Variants in CDC45 observed in about 807,000 individuals in gnomAD.
The protein encoded by CDC45 is cell division control protein 45 homolog.
CDC45 carries 54 observed loss-of-function variants against 77.8 expected under a neutral mutation model. The ratio of observed to expected loss-of-function variants is 0.69; its 90% CI spans 0.56 to 0.87. The LOEUF (loss-of-function observed/expected upper bound fraction) is 0.87, where lower values mean the gene tolerates loss of function less well. CDC45 is among the 40% of genes least tolerant of loss of function. The pLI is 0.00. For missense variants in CDC45, 649 were observed against 721.6 expected (o/e 0.90, Z 1.15); for synonymous variants, 260 against 272.1 (o/e 0.96, Z 0.44).
intron 9 of CDC45, among the ~76,000 whole-genome samples, chr22:19,501,681 C>T (rs2146392445): frequency 6.6e-6 from 1 of 152,234 alleles, no homozygotes; most frequent in East Asian, 1.9e-4. Flanking sequence ...AACTGAGAGA[C>T]AAAACTAGTC....
chr22:19,514,988 C>A lies in CDC45; in HGVS notation c.1380C>A (p.Phe460Leu), dbSNP rs1453295570. ...LMEGTPDVML[F>L]SRPASLSLLS... The stretch of plus-strand genomic sequence containing the variant: ...AGGGCACTCCAGATGTCATGCTGTT[C>A]TCTAGGCCGGCATCCCTAAGCCTGC... The change falls in exon 15 of 19, where the codon TTC becomes TTA. Residue 460 changes from phenylalanine to leucine, a missense_variant. Phe to Leu is a conservative substitution (Grantham distance 22, BLOSUM62 0). Transcript: ENST00000263201. The A allele has an allele frequency of 5.0e-6, 8 of 1,614,074 alleles. No homozygotes were observed. Among genetic ancestry groups the A allele is most frequent in the Non-Finnish European group, 6.8e-6 (8 of 1,180,044 alleles).
intron 3 of CDC45, among the ~76,000 whole-genome samples, chr22:19,481,672 CT>C (rs1172897235): frequency 6.6e-6 from 1 of 151,506 alleles, no homozygotes; most frequent in Non-Finnish European, 1.5e-5. Flanking sequence ...CACGCCCAGC[CT>C]TTATTTATTT....
At chr22:19,488,549 T>C (rs957027486) in intron 5 of CDC45, among the ~76,000 whole-genome samples, 1 of 152,182 alleles carries the variant, frequency 6.6e-6, no homozygotes, top group Admixed American at 6.5e-5. Context: ...CGACCAGCCT[T>C]GGAGTACCTC....
chr22:19,500,662 C>T (rs901860833), intron 9 of CDC45, among the ~76,000 whole-genome samples: 1 of 152,118 alleles, frequency 6.6e-6, no homozygotes, highest in Non-Finnish European at 1.5e-5. Context: ...ATGATTACAT[C>T]CCCCTTGCCC....
intron 10 of CDC45, among the ~76,000 whole-genome samples, chr22:19,506,369 A>G (rs1026406695): frequency 5.3e-5 from 8 of 152,046 alleles, no homozygotes; most frequent in African/African-American, 1.7e-4. Context: ...CCCAGGGACC[A>G]TGGGAGTGTG....
chr22:19,509,578 C>T (rs961476641), intron 13 of CDC45, among the ~76,000 whole-genome samples: 1 of 152,190 alleles, frequency 6.6e-6, no homozygotes, highest in Non-Finnish European at 1.5e-5. Flanking sequence ...TGATTTCATC[C>T]TGGGATCTGC....
intron 6 of CDC45, chr22:19,494,692 T>C: frequency 4.4e-6 from 4 of 906,732 alleles, no homozygotes. Flanking sequence ...AAATTATTTA[T>C]AAGAAGTGCT....
chr22:19,482,899 T>C, intron 4 of CDC45, 72 bp downstream of exon 4: 1 of 1,410,360 alleles, frequency 7.1e-7, no homozygotes, highest in South Asian at 1.2e-5. Context: ...CTGGTGTTCT[T>C]GGTAAGGTGT....
In CDC45 at chr22:19,479,939, G is replaced by A; in HGVS notation, c.-30G>A. 6.2e-7 allele frequency: 1 copy of A among 1,611,978 alleles called. No individual in the cohort carries two copies. The highest frequency in any genetic ancestry group is 8.5e-7 in the Non-Finnish European group (1 of 1,179,848). ...GCCGCCGGGCTCTTGGTACCTCAGC[G>A]CGAGCGCCAGGCGTCCGGCCGCCGT... On this transcript the variant is annotated 5_prime_UTR_variant, in exon 1 of 19. Transcript: ENST00000263201.
upstream of CDC45, chr22:19,479,864 G>T: frequency 8.8e-7 from 1 of 1,139,402 alleles, no homozygotes; most frequent in Non-Finnish European, 1.3e-6. Context: ...CTATTGGTTG[G>T]TGATCCCTGG....
At chr22:19,484,593 G>A (rs985427461) in intron 5 of CDC45, among the ~76,000 whole-genome samples, 3 of 152,326 alleles carry the variant, frequency 2.0e-5, no homozygotes, top group South Asian at 2.1e-4. Context: ...GGAGGGCCAC[G>A]TGATGCTTTT....
intron 9 of CDC45, among the ~76,000 whole-genome samples, chr22:19,502,590 G>A (rs1298107879): frequency 6.6e-6 from 1 of 152,108 alleles, no homozygotes; most frequent in Non-Finnish European, 1.5e-5. Context: ...TATAAAAGAG[G>A]GCTGGATCCA....
intron 6 of CDC45, 45 bp from the exon 7 acceptor site, chr22:19,495,936 G>T: frequency 3.5e-6 from 5 of 1,411,370 alleles, no homozygotes; most frequent in Non-Finnish European, 4.0e-6. Flanking sequence ...TTGGCTTCCT[G>T]TACTGCTACT....
chr22:19,508,168 T>C (rs1284706848), intron 12 of CDC45, among the ~76,000 whole-genome samples: 1 of 152,170 alleles, frequency 6.6e-6, no homozygotes, highest in Non-Finnish European at 1.5e-5. Context: ...TCTGTTTCAC[T>C]GGAGACAGCA....
At chr22:19,507,663 A>G in intron 11 of CDC45, 103 bp from the exon 12 acceptor site, 1 of 1,353,976 alleles carries the variant, frequency 7.4e-7, no homozygotes, top group Non-Finnish European at 1.0e-6. Flanking sequence ...TATCTTCTGA[A>G]TGCTGGTGCG....
intron 10 of CDC45, among the ~76,000 whole-genome samples, chr22:19,505,845 G>C (rs1933141780): frequency 6.6e-6 from 1 of 152,176 alleles, no homozygotes; most frequent in East Asian, 1.9e-4. Context: ...TGGGACATTG[G>C]TGGAGTGCTC....
chr22:19,508,740 A>C (rs1365157633), intron 13 of CDC45, 49 bp downstream of exon 13: 28 of 1,586,422 alleles, frequency 1.8e-5, no homozygotes, highest in Non-Finnish European at 2.2e-5. Context: ...ACTGGTTCTC[A>C]CACTGCCCAG....
chr22:19,514,690 G>A, intron 13 of CDC45, 59 bp from the exon 14 acceptor site: 2 of 1,436,086 alleles, frequency 1.4e-6, no homozygotes, highest in Admixed American at 2.1e-5. Context: ...TGTGACTTTG[G>A]TATTTTACCA....
chr22:19,482,221 G>A (rs567342543), intron 3 of CDC45, among the ~76,000 whole-genome samples: 8 of 152,272 alleles, frequency 5.3e-5, no homozygotes, highest in African/African-American at 1.4e-4. Context: ...TCAAGGACCC[G>A]CACCAGCTTG....
Sources: allele counts gnomAD v4.1 joint callset (sites outside exome capture counted in the v4.1 genomes callset), GRCh38; gene constraint gnomAD v4.1.1; transcripts MANE v1.5; gene names NCBI Gene and HGNC (gene_info 2026-07-23, HGNC 2026-07-21).